The following FMN1 variants were observed in gnomAD, a reference collection of about 807,000 sequenced individuals.
FMN1 encodes formin-1.
Under a neutral mutation model 132.4 loss-of-function variants are expected in FMN1, and 110 were observed. The ratio of observed to expected loss-of-function variants is 0.83; its 90% confidence interval spans 0.71 to 0.97. The LOEUF (loss-of-function observed/expected upper bound fraction) is 0.97. FMN1 is among the 50% of genes least tolerant of loss of function. FMN1 has a pLI of 0.00. For missense variants in FMN1, 1,792 were observed against 1,705.3 expected (o/e 1.05, Z -0.90); for synonymous variants, 722 against 651.7 (o/e 1.11, Z -1.64).
At chr15:33,101,433 C>G (rs530610702) in intron 4 of FMN1, among the ~76,000 whole-genome samples, 1 of 151,830 alleles carries the variant, frequency 6.6e-6, no homozygotes, top group East Asian at 1.9e-4. Flanking sequence ...GTAAGATACA[C>G]TAACACTAAC....
At chr15:32,998,393 G>C (rs1461038379) in intron 7 of FMN1, among the ~76,000 whole-genome samples, 1 of 152,166 alleles carries the variant, frequency 6.6e-6, no homozygotes, top group Non-Finnish European at 1.5e-5. Context: ...GGATTGAGTT[G>C]GGACAGATGC....
intron 6 of FMN1, among the ~76,000 whole-genome samples, chr15:33,018,051 C>T (rs560230052): frequency 2.1e-5 from 3 of 140,214 alleles, no homozygotes; most frequent in South Asian, 4.7e-4. Context: ...GGCAACAGAG[C>T]GACACTACCT....
chr15:32,909,418 T>C (rs2060504371), intron 11 of FMN1, among the ~76,000 whole-genome samples: 1 of 152,234 alleles, frequency 6.6e-6, no homozygotes, highest in Non-Finnish European at 1.5e-5. Context: ...AAAGCTTTAC[T>C]AGTGGAAACG....
At chr15:33,112,713 T>C (rs1296411937) in intron 4 of FMN1, among the ~76,000 whole-genome samples, 1 of 152,198 alleles carries the variant, frequency 6.6e-6, no homozygotes, top group Non-Finnish European at 1.5e-5. Flanking sequence ...GTGATAACAG[T>C]CACGGCTGCC....
chr15:33,050,659 A>G lies in FMN1; in HGVS notation c.2161+14298T>C, dbSNP rs147818245. Among the ~76,000 whole-genome samples the G allele has an allele frequency of 4.2e-4, 64 of 152,368 alleles. 1 individual carries two copies. In the East Asian group the frequency reaches 0.011, roughly 27 times the overall value. On this transcript the variant is annotated intron_variant, in intron 6 of 20. Coordinates refer to ENST00000616417, the MANE Select transcript of FMN1 (RefSeq NM_001277313.2). ...TCTTTCTTTGGTTTAATATTCTGAGAGGCCAACTGTGTAGTATCTACCAAG... is the reference window on the plus strand; with the variant it reads ...TCTTTCTTTGGTTTAATATTCTGAGGGGCCAACTGTGTAGTATCTACCAAG...
chr15:32,863,361 G>A (rs2059318349), intron 16 of FMN1, among the ~76,000 whole-genome samples: 1 of 152,176 alleles, frequency 6.6e-6, no homozygotes, highest in South Asian at 2.1e-4. Context: ...GTGAACCCGG[G>A]AGGCGGAGCT....
chr15:33,193,616 C>G (rs1486127725), intron 2 of FMN1, among the ~76,000 whole-genome samples: 2 of 152,172 alleles, frequency 1.3e-5, no homozygotes, highest in African/African-American at 2.4e-5. Context: ...GTGACTGCCA[C>G]TCCCCATATA....
chr15:33,050,108 G>A (rs956313364), intron 6 of FMN1, among the ~76,000 whole-genome samples: 2 of 152,192 alleles, frequency 1.3e-5, no homozygotes, highest in Non-Finnish European at 2.9e-5. Context: ...GTTGGCTAAA[G>A]TGTGTTCTGA....
chr15:33,022,873 T>A (rs1239888664), intron 6 of FMN1, among the ~76,000 whole-genome samples: 1 of 151,584 alleles, frequency 6.6e-6, no homozygotes, highest in Non-Finnish European at 1.5e-5. Flanking sequence ...TTGGAAGAGG[T>A]TGTCAACTGC....
intron 10 of FMN1, among the ~76,000 whole-genome samples, chr15:32,920,174 A>G (rs2060785509): frequency 6.6e-6 from 1 of 152,162 alleles, no homozygotes; most frequent in African/African-American, 2.4e-5. Flanking sequence ...GCAATTTTCT[A>G]TCTCCCCTGG....
intron 4 of FMN1, among the ~76,000 whole-genome samples, chr15:33,139,087 ATAACT>A (rs1202489381): frequency 5.3e-5 from 8 of 152,376 alleles, no homozygotes; most frequent in Non-Finnish European, 1.2e-4. Context: ...ACAGACTATC[ATAACT>A]TAATTAATGA....
chr15:33,176,379 A>C (rs1213835893), intron 3 of FMN1, among the ~76,000 whole-genome samples: 1 of 151,946 alleles, frequency 6.6e-6, no homozygotes, highest in Non-Finnish European at 1.5e-5. Context: ...GTTGGCAGGC[A>C]CCTATAGTCC....
chr15:32,969,288 C>G lies in FMN1; in HGVS notation c.2413G>C (p.Val805Leu). 6.2e-7 allele frequency: 1 copy of G among 1,613,890 alleles called. No homozygotes were observed. The highest frequency in any genetic ancestry group is 8.5e-7 in the Non-Finnish European group (1 of 1,179,872). Residue 805 changes from valine to leucine, a missense_variant, in exon 8 of 21, where the codon GTC (valine) becomes CTC (leucine). Val to Leu is a conservative substitution (Grantham distance 32). Coordinates refer to ENST00000616417, the MANE Select transcript of FMN1 (RefSeq NM_001277313.2). ...AGGAAGGTCTCTCTGTCTGTCTGGA[C>G]GCACACATTTCTGAAGGTCTTTGGA... is the stretch of plus-strand genomic sequence containing the variant. ...CPPKTFRNVC[V>L]QTDRETFLKP...
chr15:33,120,341 C>T lies in FMN1; in HGVS notation c.1868-31367G>A, dbSNP rs1430026930. On this transcript the variant is annotated intron_variant, in intron 4 of 20. Transcript: ENST00000616417. ...CTTTATTCTCCTTGCTGACCCTTTC[C>T]AAGGGCCATCATCATCTTCCAGGTC... 5.9e-5 allele frequency among the ~76,000 whole-genome samples: 9 copies of T among 152,206 alleles called. No individual in the cohort carries two copies. The East Asian group carries it at 1.5e-3, about 26-fold the overall frequency.
chr15:33,164,530 C>G (rs1229660504), intron 3 of FMN1, among the ~76,000 whole-genome samples: 1 of 152,130 alleles, frequency 6.6e-6, no homozygotes, highest in African/African-American at 2.4e-5. Flanking sequence ...CACACAGATA[C>G]CCAGATATGT....
chr15:32,936,333 CA>C, intron 9 of FMN1, among the ~76,000 whole-genome samples: 2 of 152,146 alleles, frequency 1.3e-5, no homozygotes, highest in Non-Finnish European at 2.9e-5. Flanking sequence ...TCATTCTTTA[CA>C]GACTGATTTC....
rs1555505892 is a variant in FMN1 at position 32,964,016 on chromosome 15, T to TATACACACACACAC, written c.3138+90_3138+91insGTGTGTGTGTGTAT. The TATACACACACACAC allele has an allele frequency of 1.3e-4, 65 of 508,328 alleles. 1 individual carries two copies. The highest frequency in any genetic ancestry group is 9.1e-4 in the African/African-American group (44 of 48,344). The allele number at this position is 508,328 out of a possible 1,614,324, so 31.5% of individuals were successfully genotyped here. On this transcript the variant is annotated intron_variant, in intron 9 of 20. Coordinates refer to ENST00000616417, the MANE Select transcript of FMN1 (RefSeq NM_001277313.2). Reference sequence around the variant, plus strand: ...GGTATGTGTGTGTGTGTATATACGATACACACACACACACACACACACACA... The same window carrying TATACACACACACAC: ...GGTATGTGTGTGTGTGTATATACGATATACACACACACACACACACACACACACACACACACACA...
At chr15:33,100,208 CTT>C (rs2039241193) in intron 4 of FMN1, among the ~76,000 whole-genome samples, 2 of 125,960 alleles carry the variant, frequency 1.6e-5, no homozygotes, top group South Asian at 2.7e-4. Context: ...AGCCTAGAGT[CTT>C]AAACTTTCAC....
intron 3 of FMN1, among the ~76,000 whole-genome samples, chr15:33,168,400 T>C (rs931924458): frequency 2.6e-5 from 4 of 152,200 alleles, no homozygotes; most frequent in African/African-American, 7.2e-5. Flanking sequence ...TTAATCCATC[T>C]AGAAGCAAGG....
Sources: allele counts gnomAD v4.1 joint callset (sites outside exome capture counted in the v4.1 genomes callset), GRCh38; gene constraint gnomAD v4.1.1; transcripts MANE v1.5; gene names NCBI Gene and HGNC (gene_info 2026-07-23, HGNC 2026-07-21).